STIMATE: variants seen among roughly 807,000 people sequenced by gnomAD.
The protein encoded by STIMATE is STIM activating enhancer.
Under a neutral mutation model 36.7 loss-of-function variants are expected in STIMATE, and 15 were observed. That is an observed-to-expected ratio of 0.41 (90% CI 0.27 to 0.63). The LOEUF (loss-of-function observed/expected upper bound fraction) is 0.63. Ranked by LOEUF, STIMATE falls within the 20% of genes least tolerant of loss-of-function variation. The pLI is 0.32. For missense variants in STIMATE, 305 were observed against 397.3 expected, an observed-to-expected ratio of 0.77 and a Z score of 1.98; for synonymous variants, 163 against 162.3, an observed-to-expected ratio of 1.00 and a Z score of -0.03.
At chr3:52,864,841 C>T (rs929624657) in intron 1 of STIMATE, among the ~76,000 whole-genome samples, 2 of 152,222 alleles carry the variant, frequency 1.3e-5, no homozygotes, top group Non-Finnish European at 2.9e-5. Flanking sequence ...ATCACCTTTG[C>T]TCCAGTTCCC....
chr3:52,870,905 G>A (rs1283235192), intron 1 of STIMATE, among the ~76,000 whole-genome samples: 1 of 152,022 alleles, frequency 6.6e-6, no homozygotes, highest in Non-Finnish European at 1.5e-5. Flanking sequence ...AAGGTCTGGG[G>A]GAAGGCGGGT....
rs77646333 is a variant in STIMATE, at chr3:52,845,034, A to C, written c.428-93T>G. 0.017 allele frequency: 22,344 copies of C among 1,322,716 alleles called. 2,052 individuals are homozygous for C. The South Asian group carries it at 0.2, about 12-fold the overall frequency. 81.9% of individuals were successfully genotyped at this position (1,322,716 alleles called of 1,614,324 possible). ...CACTCCCCCACACGCACCCCAGAAC[A>C]CTGGCTCTAAAGCTCTAAAGGTACT... is the stretch of plus-strand genomic sequence containing the variant. On this transcript the variant is annotated intron_variant, in intron 4 of 7. Transcript: ENST00000355083.
chr3:52,859,531 A>AAAAAAAAAATT (rs748928249), intron 1 of STIMATE, among the ~76,000 whole-genome samples: 28 of 18,828 alleles, frequency 1.5e-3, no homozygotes, highest in Non-Finnish European at 1.9e-3. Flanking sequence ...AAAAAAAAAA[A>AAAAAAAAAATT]TTTTTTTTTT....
chr3:52,890,223 T>C (rs1701760918), intron 1 of STIMATE, among the ~76,000 whole-genome samples: 1 of 152,258 alleles, frequency 6.6e-6, no homozygotes, highest in East Asian at 1.9e-4. Context: ...CCTCAAGGAC[T>C]GGGGACCAGT....
At chr3:52,882,054 T>C (rs890458229) in intron 1 of STIMATE, among the ~76,000 whole-genome samples, 3 of 152,244 alleles carry the variant, frequency 2.0e-5, no homozygotes, top group Non-Finnish European at 4.4e-5. Context: ...TGTTCTCTTG[T>C]AAGGCTGCAG....
At chr3:52,861,132 CCT>C (rs907891868) in intron 1 of STIMATE, among the ~76,000 whole-genome samples, 2 of 152,212 alleles carry the variant, frequency 1.3e-5, no homozygotes, top group African/African-American at 4.8e-5. Context: ...CCCACACACC[CCT>C]GAGGCGGAGG....
At chr3:52,869,156 G>A (rs1034582161) in intron 1 of STIMATE, among the ~76,000 whole-genome samples, 1 of 152,172 alleles carries the variant, frequency 6.6e-6, no homozygotes, top group Admixed American at 6.5e-5. Flanking sequence ...CAAGTTGGGA[G>A]AAAAGGCGCT....
chr3:52,877,169 TTTTGGG>T (rs1226928241), intron 1 of STIMATE, among the ~76,000 whole-genome samples: 1 of 152,190 alleles, frequency 6.6e-6, no homozygotes, highest in Non-Finnish European at 1.5e-5. Context: ...CAGCTCACGC[TTTTGGG>T]CAACCCAGTG....
chr3:52,856,114 A>G (rs1198450386), intron 1 of STIMATE, among the ~76,000 whole-genome samples: 1 of 152,218 alleles, frequency 6.6e-6, no homozygotes, highest in Non-Finnish European at 1.5e-5. Context: ...AGGGGAGAAA[A>G]GATACATTCT....
intron 1 of STIMATE, among the ~76,000 whole-genome samples, chr3:52,865,841 C>T (rs1311879754): frequency 6.6e-6 from 1 of 152,194 alleles, no homozygotes; most frequent in South Asian, 2.1e-4. Context: ...CCTTACATAT[C>T]CTTTCAAAGA....
intron 1 of STIMATE, among the ~76,000 whole-genome samples, chr3:52,860,411 C>A (rs895367333): frequency 6.6e-6 from 1 of 151,926 alleles, no homozygotes; most frequent in African/African-American, 2.4e-5. Flanking sequence ...GGCCAAGTCA[C>A]GAGGGTCTCG....
chr3:52,858,209 C>G (rs183339116), intron 1 of STIMATE, among the ~76,000 whole-genome samples: 17 of 152,312 alleles, frequency 1.1e-4, no homozygotes, highest in Admixed American at 2.6e-4. Context: ...CATGACAATA[C>G]TGGTGAACCT....
At chr3:52,857,375 C>T (rs1319757747) in intron 1 of STIMATE, among the ~76,000 whole-genome samples, 4 of 152,128 alleles carry the variant, frequency 2.6e-5, no homozygotes, top group Non-Finnish European at 5.9e-5. Context: ...AAGCAGGAGG[C>T]CCCTTCCCTT....
At position 52,879,461 on chromosome 3, in the gene STIMATE, C is replaced by T. The variant is rs115261201; in HGVS notation, c.160+17830G>A. Among the ~76,000 whole-genome samples the T allele has an allele frequency of 3.9e-3, 596 of 152,252 alleles. 6 individuals carry two copies. The highest frequency in any genetic ancestry group is 0.013 in the African/African-American group (560 of 41,540). ...TTGAGGTTCTTCTCACAGCTACTGA[C>T]GCCTCTCCTCCACTTAGGAAGAACA... On this transcript the variant is annotated intron_variant, in intron 1 of 7. Coordinates refer to ENST00000355083, the MANE Select transcript of STIMATE (RefSeq NM_198563.5).
intron 1 of STIMATE, among the ~76,000 whole-genome samples, chr3:52,896,940 C>T (rs1701874342): frequency 6.6e-6 from 1 of 152,086 alleles, no homozygotes; most frequent in South Asian, 2.1e-4. Context: ...CACGAAGAGC[C>T]CCTGAGAAGG....
intron 1 of STIMATE, among the ~76,000 whole-genome samples, chr3:52,880,906 A>G (rs1701591929): frequency 6.6e-6 from 1 of 152,198 alleles, no homozygotes; most frequent in Non-Finnish European, 1.5e-5. Context: ...GTAAGCAGTA[A>G]AGCCAGGTGC....
chr3:52,840,698 A>ATTT, intron 7 of STIMATE, 88 bp from the exon 8 acceptor site: 2 of 1,049,912 alleles, frequency 1.9e-6, no homozygotes, highest in African/African-American at 2.0e-5. Flanking sequence ...TTCAAGTCTC[A>ATTT]TGTTTTTTTT....
At position 52,839,613 on chromosome 3, in the gene STIMATE, C is replaced by G. The variant is rs1278226098; in HGVS notation, c.*881G>C. 6.6e-6 allele frequency: 1 copy of G among 152,232 alleles called. No individual in the cohort carries two copies. The allele number at this position is 152,232 out of a possible 1,614,324, so 9.4% of individuals were successfully genotyped here. ...TGCAGCTCCTGGATCTGCATCCAGA[C>G]CAGCTGCTCCAAGCTTGGGTCTGAC... On this transcript the variant is annotated 3_prime_UTR_variant, in exon 8 of 8. Coordinates refer to ENST00000355083, the MANE Select transcript of STIMATE (RefSeq NM_198563.5).
intron 1 of STIMATE, among the ~76,000 whole-genome samples, chr3:52,855,996 G>A (rs367982912): frequency 6.6e-6 from 1 of 152,230 alleles, no homozygotes; most frequent in Non-Finnish European, 1.5e-5. Flanking sequence ...AGTGGGGACC[G>A]AAGTGTTTGT....
Sources: allele counts gnomAD v4.1 joint callset (sites outside exome capture counted in the v4.1 genomes callset), GRCh38; gene constraint gnomAD v4.1.1; transcripts MANE v1.5; gene names NCBI Gene and HGNC (gene_info 2026-07-23, HGNC 2026-07-21).